The following MON2 variants were observed in gnomAD, a reference collection of about 807,000 sequenced individuals.
MON2 encodes the protein MON2 regulator of endosome-to-Golgi trafficking.
In MON2, 84 loss-of-function variants were observed where a neutral mutation model predicts 208.6. The observed-to-expected ratio is 0.40, with a 90% CI of 0.34 to 0.48. The LOEUF (loss-of-function observed/expected upper bound fraction) is 0.48, where lower values mean the gene tolerates loss of function less well. MON2 is among the 20% of genes least tolerant of loss of function. The pLI, the probability that MON2 is intolerant of heterozygous loss-of-function variation, is 0.59. For synonymous variants in MON2, 660 were observed against 694.0 expected (o/e 0.95, Z 0.77); for missense variants, 1,611 against 2,015.4 (o/e 0.80, Z 3.84).
chr12:62,556,269 G>C, intron 25 of MON2, 77 bp downstream of exon 25: 1 of 1,326,682 alleles, frequency 7.5e-7, no homozygotes, highest in East Asian at 2.5e-5. Flanking sequence ...GATTCTTTTA[G>C]AGTCTATCTT....
intron 7 of MON2, among the ~76,000 whole-genome samples, chr12:62,505,129 G>A (rs2071034614): frequency 6.6e-6 from 1 of 152,154 alleles, no homozygotes; most frequent in South Asian, 2.1e-4. Context: ...AGATGAAAAA[G>A]GCAGTCTCAA....
At chr12:62,534,968 A>C (rs75170513) in intron 13 of MON2, 42 bp downstream of exon 13, 1 of 40 alleles carries the variant, frequency 0.025, no homozygotes, top group Non-Finnish European at 0.038. Flanking sequence ...TGTGTCAGTT[A>C]AAAAAAACAC....
intron 34 of MON2, among the ~76,000 whole-genome samples, chr12:62,588,361 A>C (rs140934029): frequency 1.4e-5 from 2 of 142,668 alleles, no homozygotes; most frequent in African/African-American, 5.4e-5. Flanking sequence ...TTTATGAAGC[A>C]GTCTACCTTA....
At chr12:62,539,423 C>T (rs1355376797) in intron 19 of MON2, among the ~76,000 whole-genome samples, 1 of 151,852 alleles carries the variant, frequency 6.6e-6, no homozygotes, top group Non-Finnish European at 1.5e-5. Context: ...GCCACCACGC[C>T]CGGCTAATTT....
intron 8 of MON2, among the ~76,000 whole-genome samples, chr12:62,523,730 T>C (rs1243327149): frequency 1.3e-5 from 2 of 152,180 alleles, no homozygotes; most frequent in Non-Finnish European, 2.9e-5. Context: ...CTGTACCTAG[T>C]AGCAAGAATC....
chr12:62,542,336 T>C (rs1006106512), intron 19 of MON2, among the ~76,000 whole-genome samples: 1 of 152,232 alleles, frequency 6.6e-6, no homozygotes, highest in African/African-American at 2.4e-5. Context: ...TTAAAAATTA[T>C]TCTCCTAAAT....
At chr12:62,576,234 T>G (rs2074775638) in intron 30 of MON2, among the ~76,000 whole-genome samples, 1 of 152,100 alleles carries the variant, frequency 6.6e-6, no homozygotes, top group Admixed American at 6.6e-5. Context: ...ATATATTGTA[T>G]GATCTTGTTT....
chr12:62,500,150 C>G (rs1173884641), intron 5 of MON2, among the ~76,000 whole-genome samples: 1 of 152,148 alleles, frequency 6.6e-6, no homozygotes, highest in African/African-American at 2.4e-5. Flanking sequence ...GTCTCTAAGG[C>G]TAATCTGCCA....
chr12:62,520,997 A>T (rs201516948), intron 8 of MON2, among the ~76,000 whole-genome samples: 667 of 60,654 alleles, frequency 0.011, 6 homozygotes, highest in African/African-American at 0.039. Context: ...GCTCTTTTTT[A>T]AAAAAAAAAT....
At chr12:62,534,542 A>AAAAAATATATATATATATAT (rs1555169522) in intron 12 of MON2, among the ~76,000 whole-genome samples, 2 of 22,850 alleles carry the variant, frequency 8.8e-5, no homozygotes, top group African/African-American at 2.0e-4. Flanking sequence ...AAAAAAAAAA[A>AAAAAATATATATATATATAT]ATATATATAT....
intron 5 of MON2, among the ~76,000 whole-genome samples, chr12:62,500,069 A>G (rs1302701468): frequency 6.6e-6 from 1 of 152,114 alleles, no homozygotes; most frequent in African/African-American, 2.4e-5. Flanking sequence ...ACACAGGGCA[A>G]TTTCCCAGTT....
intron 2 of MON2, among the ~76,000 whole-genome samples, chr12:62,487,641 G>T (rs916721654): frequency 1.3e-5 from 2 of 151,364 alleles, no homozygotes; most frequent in Non-Finnish European, 2.9e-5. Context: ...ATTTTAAAAG[G>T]TAATTTATTT....
At chr12:62,534,584 A>ATATATATATTTTATATAT (rs2072875645) in intron 12 of MON2, among the ~76,000 whole-genome samples, 1 of 134,208 alleles carries the variant, frequency 7.5e-6, no homozygotes, top group African/African-American at 2.8e-5. Context: ...ATATATATAT[A>ATATATATATTTTATATAT]AAATTTAACG....
intron 1 of MON2, among the ~76,000 whole-genome samples, chr12:62,472,621 T>G (rs949403423): frequency 1.3e-5 from 2 of 152,188 alleles, no homozygotes; most frequent in African/African-American, 2.4e-5. Flanking sequence ...AGACCCCTAG[T>G]GAAAGAGATG....
chr12:62,532,571 A>G lies in MON2; in HGVS notation c.1534A>G (p.Thr512Ala). Residue 512 changes from threonine (T) to alanine (A), a missense_variant, in exon 12 of 35, where the codon ACA (threonine) becomes GCA (alanine). Thr to Ala is a moderately conservative substitution (Grantham distance 58, BLOSUM62 0). Coordinates refer to ENST00000393630, the MANE Select transcript of MON2 (RefSeq NM_015026.3). The part of the protein sequence containing the change: ...MIEGELGELE[T>A]ECQTTTEEGS... The stretch of plus-strand genomic sequence containing the variant: ...TGAAGGAGAGCTAGGAGAGCTTGAA[A>G]CAGAATGTCAAACCACCACTGAAGA... The G allele has an allele frequency of 6.2e-7, 1 of 1,614,138 alleles. No individual in the cohort carries two copies. Among genetic ancestry groups the G allele is most frequent in the Non-Finnish European group, 8.5e-7 (1 of 1,180,004 alleles).
At chr12:62,470,639 T>G in intron 1 of MON2, 2 of 759,118 alleles carry the variant, frequency 2.6e-6, no homozygotes, top group Non-Finnish European at 3.4e-6. Flanking sequence ...GGAAGACAAC[T>G]CTGAAGCTTT....
At chr12:62,578,237 T>C (rs145794067) in intron 30 of MON2, among the ~76,000 whole-genome samples, 173 of 152,268 alleles carry the variant, frequency 1.1e-3, no homozygotes, top group Non-Finnish European at 9.3e-4. Flanking sequence ...GGACCTAGTG[T>C]TTTTGTAGTT....
chr12:62,474,119 C>CTTTTT (rs778065734), intron 1 of MON2, among the ~76,000 whole-genome samples: 16 of 141,828 alleles, frequency 1.1e-4, no homozygotes, highest in Admixed American at 2.1e-4. Context: ...CTTTTCTTTT[C>CTTTTT]TTTTTTTTTT....
Position 62,592,915 on chromosome 12 carries a change from G to A in MON2, c.*166G>A. ...GTTCAGTAATTCATATTACAGGCTTGCACATCAACAAAGGCTCCTGAATGA... is the reference window on the plus strand; with the variant it reads ...GTTCAGTAATTCATATTACAGGCTTACACATCAACAAAGGCTCCTGAATGA... On this transcript the variant is annotated 3_prime_UTR_variant, in exon 35 of 35. Coordinates refer to ENST00000393630, the MANE Select transcript of MON2 (RefSeq NM_015026.3). 3.4e-6 allele frequency: 2 copies of A among 594,840 alleles called. No homozygotes were observed. Among genetic ancestry groups the A allele is most frequent in the Non-Finnish European group, 5.6e-6 (2 of 359,584 alleles). 36.8% of individuals were successfully genotyped at this position (594,840 alleles called of 1,614,324 possible).
Sources: allele counts gnomAD v4.1 joint callset (sites outside exome capture counted in the v4.1 genomes callset), GRCh38; gene constraint gnomAD v4.1.1; transcripts MANE v1.5; gene names NCBI Gene and HGNC (gene_info 2026-07-23, HGNC 2026-07-21).